ERLEC1: variants seen among roughly 807,000 people sequenced by gnomAD.
ERLEC1 encodes the protein endoplasmic reticulum lectin 1.
ERLEC1 carries 47 observed loss-of-function variants against 68.0 expected under a neutral mutation model. That is an observed-to-expected ratio of 0.69 (90% CI 0.55 to 0.88). The LOEUF is 0.88. Among genes scored for constraint, ERLEC1 ranks in the 40% least tolerant of loss-of-function variants. ERLEC1 has a pLI of 0.00. For synonymous variants in ERLEC1, 225 were observed against 203.2 expected, an observed-to-expected ratio of 1.11 and a Z score of -0.91; for missense variants, 567 against 583.8, an observed-to-expected ratio of 0.97 and a Z score of 0.30.
chr2:53,789,426 T>A (rs1301131502), intron 1 of ERLEC1, among the ~76,000 whole-genome samples: 2 of 151,640 alleles, frequency 1.3e-5, no homozygotes, highest in Non-Finnish European at 2.9e-5. Context: ...ATTCTTTTTT[T>A]AGAAGCTGGA....
chr2:53,806,889 A>G (rs1480426034), intron 8 of ERLEC1, among the ~76,000 whole-genome samples: 1 of 152,154 alleles, frequency 6.6e-6, no homozygotes, highest in Non-Finnish European at 1.5e-5. Flanking sequence ...TTTAACCACC[A>G]GATCCTAATT....
At chr2:53,792,971 T>G (rs1675491266) in intron 1 of ERLEC1, among the ~76,000 whole-genome samples, 1 of 150,552 alleles carries the variant, frequency 6.6e-6, no homozygotes, top group South Asian at 2.1e-4. Context: ...ATCATGTCAC[T>G]GCACTCAGCC....
intron 11 of ERLEC1, 120 bp downstream of exon 11, chr2:53,813,193 A>T (rs1176741826): frequency 2.4e-6 from 3 of 1,226,036 alleles, no homozygotes; most frequent in Admixed American, 5.4e-5. Context: ...TTTTCAAGGG[A>T]TATCTTTTAG....
chr2:53,795,399 T>G (rs901688498), intron 2 of ERLEC1, among the ~76,000 whole-genome samples: 2 of 152,222 alleles, frequency 1.3e-5, no homozygotes, highest in Admixed American at 1.3e-4. Flanking sequence ...TTTATTGGGT[T>G]TTGTTCAGAT....
chr2:53,807,194 A>G (rs1005579661), intron 8 of ERLEC1, among the ~76,000 whole-genome samples: 1 of 152,186 alleles, frequency 6.6e-6, no homozygotes, highest in East Asian at 1.9e-4. Flanking sequence ...ATACCCCCAC[A>G]TCTTTGGTTT....
chr2:53,791,368 T>C (rs1675383362), intron 1 of ERLEC1, among the ~76,000 whole-genome samples: 1 of 152,246 alleles, frequency 6.6e-6, no homozygotes, highest in East Asian at 1.9e-4. Context: ...AATACCTTGT[T>C]ATGTAAAGTA....
At chr2:53,808,807 AAGTT>A (rs1676437618) in intron 9 of ERLEC1, among the ~76,000 whole-genome samples, 1 of 152,144 alleles carries the variant, frequency 6.6e-6, no homozygotes, top group Non-Finnish European at 1.5e-5. Context: ...TTTAAAAAAA[AAGTT>A]AGAGACAGGG....
rs202149347 is a variant in ERLEC1, at chr2:53,812,901, C to T, written c.1102-48C>T. 17 of 1,591,598 alleles carry T rather than the reference C, an allele frequency of 1.1e-5. No homozygotes were observed. In the East Asian group the frequency reaches 2.9e-4, roughly 27 times the overall value. ...GTCAGGTCATCAGCATAAATATCTA[C>T]TTGATGATATCAAGCACGCATTATC... On this transcript the variant is annotated intron_variant, in intron 10 of 13. Transcript: ENST00000185150.
At chr2:53,802,443 G>A (rs186559544) in intron 8 of ERLEC1, among the ~76,000 whole-genome samples, 16 of 152,300 alleles carry the variant, frequency 1.1e-4, no homozygotes, top group African/African-American at 3.6e-4. Context: ...AGGTATCAGT[G>A]TTATCTTCTA....
rs367829166 is a variant in ERLEC1, at chr2:53,797,726, A to G, written c.427-6A>G. On this transcript the variant is annotated splice_polypyrimidine_tract_variant and splice_region_variant and intron_variant, in intron 4 of 13. Coordinates refer to ENST00000185150, the MANE Select transcript of ERLEC1 (RefSeq NM_015701.5). ...TAGTATATTTTTATTTTACTTTTCAATGTAGAAAATAAATATTCACGAGTA... is the reference window on the plus strand; with the variant it reads ...TAGTATATTTTTATTTTACTTTTCAGTGTAGAAAATAAATATTCACGAGTA... 2.5e-6 allele frequency: 4 copies of G among 1,607,814 alleles called. No individual in the cohort carries two copies. The highest frequency in any genetic ancestry group is 3.4e-6 in the Non-Finnish European group (4 of 1,176,334).
chr2:53,817,951 T>C lies in ERLEC1; in HGVS notation c.1434T>C (p.Leu478=), dbSNP rs1180174599. ...TAGATACAGCAGATGAAAATGGACT[T>C]CTTTCTCTCCCCAACTAAAGGATAT... ...KILDTADENG[L]LSLPN Residue 478 remains leucine, a synonymous_variant, in exon 14 of 14, where the codon CTT becomes CTC. Transcript: ENST00000185150. 6.3e-7 allele frequency: 1 copy of C among 1,587,668 alleles called. No homozygotes were observed. Among genetic ancestry groups the C allele is most frequent in the South Asian group, 1.1e-5 (1 of 90,478 alleles).
chr2:53,787,067 C>A lies in ERLEC1; in HGVS notation c.-144C>A, dbSNP rs902783346. The A allele has an allele frequency of 9.1e-5, 109 of 1,193,750 alleles. No homozygotes were observed. Among genetic ancestry groups the A allele is most frequent in the Non-Finnish European group, 3.4e-5 (30 of 892,456 alleles). 73.9% of individuals were successfully genotyped at this position (1,193,750 alleles called of 1,614,324 possible). A position where few individuals can be genotyped will look rare whatever the true frequency, so the allele number is the denominator to read the frequency against. ...GCGGAGGCGGCGTTGCCGGGCTCTCCGGAAGGAGACGTGGCGGCGGTTGGG... is the reference window on the plus strand; with the variant it reads ...GCGGAGGCGGCGTTGCCGGGCTCTCAGGAAGGAGACGTGGCGGCGGTTGGG... On this transcript the variant is annotated 5_prime_UTR_variant, in exon 1 of 14. Transcript: ENST00000185150.
At chr2:53,810,522 T>G (rs1676535882) in intron 10 of ERLEC1, among the ~76,000 whole-genome samples, 1 of 152,218 alleles carries the variant, frequency 6.6e-6, no homozygotes, top group Non-Finnish European at 1.5e-5. Context: ...TGCTAGGTAT[T>G]GAAGACAAGC....
intron 5 of ERLEC1, 143 bp from the exon 6 acceptor site, chr2:53,798,904 C>A (rs1573077884): frequency 9.5e-6 from 5 of 528,652 alleles, no homozygotes; most frequent in Non-Finnish European, 1.6e-5. Context: ...AGGAAACTAG[C>A]TTTAAAGTAG....
At chr2:53,804,024 G>A (rs1676146546) in intron 8 of ERLEC1, among the ~76,000 whole-genome samples, 1 of 152,096 alleles carries the variant, frequency 6.6e-6, no homozygotes, top group African/African-American at 2.4e-5. Context: ...CCAGCTACTC[G>A]GGAGGATGAG....
intron 8 of ERLEC1, among the ~76,000 whole-genome samples, chr2:53,805,987 AAT>A (rs1373066808): frequency 2.6e-5 from 4 of 152,230 alleles, no homozygotes; most frequent in Non-Finnish European, 5.9e-5. Flanking sequence ...TAAAACTGAT[AAT>A]CTTTATTTCA....
intron 6 of ERLEC1, 39 bp downstream of exon 6, chr2:53,799,120 A>C (rs773814483): frequency 3.2e-6 from 5 of 1,564,450 alleles, no homozygotes; most frequent in Admixed American, 1.7e-5. Context: ...CTTAACACTT[A>C]TTGTTAGTGA....
At chr2:53,810,684 C>CT (rs1676545871) in intron 10 of ERLEC1, among the ~76,000 whole-genome samples, 1 of 152,192 alleles carries the variant, frequency 6.6e-6, no homozygotes, top group South Asian at 2.1e-4. Flanking sequence ...CTGGGACAGA[C>CT]TGTCAATTCA....
At chr2:53,796,969 G>T (rs951412725) in intron 3 of ERLEC1, among the ~76,000 whole-genome samples, 8 of 139,884 alleles carry the variant, frequency 5.7e-5, no homozygotes, top group Admixed American at 4.0e-4. Flanking sequence ...TCAGCTCACT[G>T]CAACCTCCGC....
Sources: allele counts gnomAD v4.1 joint callset (sites outside exome capture counted in the v4.1 genomes callset), GRCh38; gene constraint gnomAD v4.1.1; transcripts MANE v1.5; gene names NCBI Gene and HGNC (gene_info 2026-07-23, HGNC 2026-07-21).